MCTP1: variants seen among roughly 807,000 people sequenced by gnomAD.
MCTP1 encodes the protein multiple C2 and transmembrane domain containing 1.
Under a neutral mutation model 120.6 loss-of-function variants are expected in MCTP1, and 69 were observed. That is an observed-to-expected ratio of 0.57 (90% CI 0.47 to 0.70). The LOEUF (loss-of-function observed/expected upper bound fraction) is 0.70. MCTP1 is among the 30% of genes least tolerant of loss of function. The pLI, the probability that MCTP1 is intolerant of heterozygous loss-of-function variation, is 0.00. For synonymous variants in MCTP1, 529 were observed against 493.1 expected, an observed-to-expected ratio of 1.07 and a Z score of -0.96; for missense variants, 1,203 against 1,248.8, an observed-to-expected ratio of 0.96 and a Z score of 0.55.
intron 1 of MCTP1, among the ~76,000 whole-genome samples, chr5:95,042,386 C>T (rs570913641): frequency 1.1e-4 from 17 of 152,132 alleles, no homozygotes; most frequent in South Asian, 4.2e-4. Context: ...CAGAAAACAG[C>T]GGAAGATGCA....
At chr5:95,264,736 G>A (rs906737302) in intron 1 of MCTP1, among the ~76,000 whole-genome samples, 2 of 152,156 alleles carry the variant, frequency 1.3e-5, no homozygotes, top group African/African-American at 4.8e-5. Flanking sequence ...CACTCCCAAT[G>A]TCACTCACTG....
intron 2 of MCTP1, chr5:94,981,030 C>G (rs949059638): frequency 6.6e-6 from 1 of 151,964 alleles, no homozygotes; most frequent in African/African-American, 2.4e-5. Context: ...ATGCTAAAAA[C>G]AGTTAATAAG....
chr5:95,278,854 C>T (rs1180620985), intron 1 of MCTP1, among the ~76,000 whole-genome samples: 2 of 151,546 alleles, frequency 1.3e-5, no homozygotes, highest in Admixed American at 6.6e-5. Context: ...CCGAGCTACT[C>T]GGGAGGCTGA....
chr5:94,917,866 AAAAT>A, intron 8 of MCTP1, 26 bp downstream of exon 8: 1 of 1,596,190 alleles, frequency 6.3e-7, no homozygotes, highest in Non-Finnish European at 8.6e-7. Context: ...AGCTCAGAAA[AAAAT>A]AAATGAACTG....
At chr5:95,235,867 T>C (rs1449633678) in intron 1 of MCTP1, among the ~76,000 whole-genome samples, 5 of 152,186 alleles carry the variant, frequency 3.3e-5, no homozygotes, top group African/African-American at 4.8e-5. Context: ...AGAACCTAGT[T>C]GAGCCTCCCT....
intron 18 of MCTP1, among the ~76,000 whole-genome samples, chr5:94,791,227 G>A (rs1442967118): frequency 6.6e-6 from 1 of 151,450 alleles, no homozygotes; most frequent in Non-Finnish European, 1.5e-5. Context: ...GAACCTGGGA[G>A]GTGGGAGTTG....
intron 17 of MCTP1, among the ~76,000 whole-genome samples, chr5:94,814,170 A>T (rs1784020493): frequency 6.6e-6 from 1 of 152,210 alleles, no homozygotes; most frequent in Non-Finnish European, 1.5e-5. Context: ...ATATTTCAGT[A>T]AAACAAAATT....
At chr5:95,115,482 A>G (rs756760703) in intron 1 of MCTP1, among the ~76,000 whole-genome samples, 2 of 152,072 alleles carry the variant, frequency 1.3e-5, no homozygotes, top group South Asian at 2.1e-4. Flanking sequence ...GAAAAATGCA[A>G]TTGGCATACT....
intron 10 of MCTP1, among the ~76,000 whole-genome samples, chr5:94,901,371 C>CTACA (rs1235944887): frequency 1.3e-5 from 2 of 152,122 alleles, no homozygotes; most frequent in Non-Finnish European, 2.9e-5. Context: ...ATTATGGGAG[C>CTACA]TACAGTTCAA....
At chr5:94,998,994 G>T (rs1486150047) in intron 2 of MCTP1, among the ~76,000 whole-genome samples, 3 of 152,206 alleles carry the variant, frequency 2.0e-5, no homozygotes, top group Non-Finnish European at 4.4e-5. Context: ...CAGGTTGTTA[G>T]TTGGAAAGTT....
intron 17 of MCTP1, among the ~76,000 whole-genome samples, chr5:94,841,153 G>A (rs781498342): frequency 3.3e-5 from 5 of 152,238 alleles, no homozygotes; most frequent in Non-Finnish European, 5.9e-5. Flanking sequence ...TACTTCTAGG[G>A]TTGCCAGCCC....
At chr5:95,027,914 G>A (rs1319089003) in intron 1 of MCTP1, among the ~76,000 whole-genome samples, 2 of 152,210 alleles carry the variant, frequency 1.3e-5, no homozygotes, top group Admixed American at 6.5e-5. Flanking sequence ...TCAGAATACA[G>A]TAATATAGGG....
At position 95,061,438 on chromosome 5, in the gene MCTP1, T is replaced by G. The variant is rs1212749015; in HGVS notation, c.721-43954A>C. The stretch of plus-strand genomic sequence containing the variant: ...TTTTTTTTTTTTTTTTTTTTTTTTT[T>G]TTTTTTTTTTTTTTTGAGACGGAGT... On this transcript the variant is annotated intron_variant, in intron 1 of 22. Coordinates refer to ENST00000515393, the MANE Select transcript of MCTP1 (RefSeq NM_024717.7). Among the ~76,000 whole-genome samples, 356 of 66,626 alleles carry G rather than the reference T, an allele frequency of 5.3e-3. 15 individuals carry two copies. Among genetic ancestry groups the G allele is most frequent in the South Asian group, 0.02 (37 of 1,848 alleles). 43.7% of individuals were successfully genotyped at this position (66,626 alleles called of 152,430 possible). A position where few individuals can be genotyped will look rare whatever the true frequency, so the allele number is the denominator to read the frequency against.
At chr5:95,160,185 T>C (rs1745563423) in intron 1 of MCTP1, among the ~76,000 whole-genome samples, 1 of 152,072 alleles carries the variant, frequency 6.6e-6, no homozygotes, top group African/African-American at 2.4e-5. Flanking sequence ...AAATTGCAAA[T>C]AGTGAAGGAG....
At chr5:95,099,282 G>T (rs1346908402) in intron 1 of MCTP1, among the ~76,000 whole-genome samples, 32 of 152,176 alleles carry the variant, frequency 2.1e-4, no homozygotes, top group Middle Eastern at 3.4e-3. Context: ...GGGATCTAAT[G>T]AAACTAAAGA....
chr5:94,729,817 G>A (rs1258505004), intron 19 of MCTP1, among the ~76,000 whole-genome samples: 1 of 152,156 alleles, frequency 6.6e-6, no homozygotes, highest in African/African-American at 2.4e-5. Flanking sequence ...TAACCAGAAT[G>A]AGGAGTAGAG....
intron 1 of MCTP1, among the ~76,000 whole-genome samples, chr5:95,265,046 G>T (rs977009012): frequency 6.6e-6 from 1 of 152,102 alleles, no homozygotes; most frequent in Non-Finnish European, 1.5e-5. Context: ...TGAACAGCCC[G>T]TCCCTGGTGC....
intron 1 of MCTP1, among the ~76,000 whole-genome samples, chr5:95,175,960 T>A (rs73776307): frequency 8.0e-4 from 122 of 152,306 alleles, no homozygotes; most frequent in African/African-American, 2.4e-3. Context: ...AATATCAGGA[T>A]AAGATGGACA....
intron 1 of MCTP1, among the ~76,000 whole-genome samples, chr5:95,267,736 T>C (rs1759021411): frequency 6.6e-6 from 1 of 152,158 alleles, no homozygotes. Context: ...GCATCTGGGT[T>C]CTCAAAATTG....
Sources: allele counts gnomAD v4.1 joint callset (sites outside exome capture counted in the v4.1 genomes callset), GRCh38; gene constraint gnomAD v4.1.1; transcripts MANE v1.5; gene names NCBI Gene and HGNC (gene_info 2026-07-23, HGNC 2026-07-21).